SORCS2: variants seen among roughly 807,000 people sequenced by gnomAD.
SORCS2 encodes the protein VPS10 domain-containing receptor SorCS2.
A neutral mutation model predicts 141.6 loss-of-function variants in SORCS2; 100 were observed. The observed-to-expected ratio is 0.71, with a 90% confidence interval of 0.60 to 0.83. The LOEUF (loss-of-function observed/expected upper bound fraction) is 0.83. SORCS2 is among the 40% of genes least tolerant of loss of function. The pLI, the probability that SORCS2 is intolerant of heterozygous loss-of-function variation, is 0.00. For synonymous variants in SORCS2, 789 were observed against 676.9 expected (o/e 1.17, Z -2.57); for missense variants, 1,646 against 1,560.2 (o/e 1.05, Z -0.93).
chr4:7,299,736 A>T (rs1237095830), intron 1 of SORCS2, among the ~76,000 whole-genome samples: 1 of 152,194 alleles, frequency 6.6e-6, no homozygotes, highest in African/African-American at 2.4e-5. Flanking sequence ...CCAACTTCCC[A>T]TCCCATTTTC....
chr4:7,502,347 G>A (rs13130816), intron 2 of SORCS2, among the ~76,000 whole-genome samples: 32,747 of 152,234 alleles, frequency 0.22, 4,301 homozygotes, highest in Middle Eastern at 0.35. Context: ...CTGTGGTCAT[G>A]GTGGTCCCCA....
intron 1 of SORCS2, among the ~76,000 whole-genome samples, chr4:7,288,276 C>A (rs1025241179): frequency 6.6e-6 from 1 of 152,070 alleles, no homozygotes; most frequent in African/African-American, 2.4e-5. Flanking sequence ...ATCTGAAATT[C>A]GGGGCCTTGC....
chr4:7,352,774 G>A (rs540854214), intron 1 of SORCS2, among the ~76,000 whole-genome samples: 58 of 152,274 alleles, frequency 3.8e-4, no homozygotes, highest in African/African-American at 1.4e-3. Context: ...GGAGGGAGAG[G>A]CTGCATGTCT....
At chr4:7,685,507 C>A (rs1310741825) in intron 10 of SORCS2, among the ~76,000 whole-genome samples, 1 of 152,086 alleles carries the variant, frequency 6.6e-6, no homozygotes, top group East Asian at 1.9e-4. Context: ...CCCGTCTCTA[C>A]TAAAAATACA....
chr4:7,221,621 C>T (rs4689654), intron 1 of SORCS2, among the ~76,000 whole-genome samples: 37,992 of 152,138 alleles, frequency 0.25, 5,051 homozygotes, highest in East Asian at 0.45. Context: ...GCTTTGGGCC[C>T]GTGAGGGCAC....
chr4:7,587,552 A>G (rs1716618530), intron 3 of SORCS2, among the ~76,000 whole-genome samples: 1 of 152,216 alleles, frequency 6.6e-6, no homozygotes, highest in Non-Finnish European at 1.5e-5. Flanking sequence ...GATTAGGCCC[A>G]AGGCAGGCCC....
At chr4:7,438,877 T>C (rs116348352) in intron 2 of SORCS2, among the ~76,000 whole-genome samples, 21 of 152,302 alleles carry the variant, frequency 1.4e-4, no homozygotes, top group African/African-American at 4.8e-4. Context: ...ACATGCTTTT[T>C]TCATATCATT....
intron 3 of SORCS2, among the ~76,000 whole-genome samples, chr4:7,542,914 G>A (rs1248960584): frequency 2.0e-5 from 3 of 152,226 alleles, no homozygotes; most frequent in Non-Finnish European, 4.4e-5. Flanking sequence ...AGGGATGAAA[G>A]CAGGAGATGC....
intron 5 of SORCS2, among the ~76,000 whole-genome samples, chr4:7,661,153 C>T (rs187996100): frequency 1.1e-4 from 16 of 152,302 alleles, no homozygotes; most frequent in East Asian, 5.8e-4. Context: ...GAAAAAGCAA[C>T]GTGAAAGTCT....
At chr4:7,292,964 C>T (rs1210664206) in intron 1 of SORCS2, among the ~76,000 whole-genome samples, 1 of 152,168 alleles carries the variant, frequency 6.6e-6, no homozygotes, top group Non-Finnish European at 1.5e-5. Flanking sequence ...GTTACCTCTG[C>T]TGATTTCCTT....
At chr4:7,232,718 C>A (rs1337579046) in intron 1 of SORCS2, among the ~76,000 whole-genome samples, 9 of 152,180 alleles carry the variant, frequency 5.9e-5, no homozygotes, top group Non-Finnish European at 1.2e-4. Context: ...CCTCCCGCAC[C>A]CTGCTGGGAG....
intron 1 of SORCS2, among the ~76,000 whole-genome samples, chr4:7,377,052 A>G (rs1015943405): frequency 3.3e-5 from 5 of 152,224 alleles, no homozygotes; most frequent in Non-Finnish European, 7.3e-5. Flanking sequence ...AAAGAGGCAT[A>G]TAAGCATGTG....
rs570276164 is a variant in SORCS2 at position 7,208,928 on chromosome 4, T to C, written c.480+15802T>C. ...GCCCTGCTGGGGGGTGGGCAGCGTG[T>C]GGAGGGCCCCACCTTTCCAGCAGAC... On this transcript the variant is annotated intron_variant, in intron 1 of 26. Coordinates refer to ENST00000507866, the MANE Select transcript of SORCS2 (RefSeq NM_020777.3). Among the ~76,000 whole-genome samples the C allele has an allele frequency of 2.0e-5, 3 of 152,276 alleles. No individual in the cohort carries two copies. The South Asian group carries it at 6.2e-4, about 32-fold the overall frequency.
intron 2 of SORCS2, among the ~76,000 whole-genome samples, chr4:7,494,371 A>G (rs548994396): frequency 6.6e-6 from 1 of 152,308 alleles, no homozygotes; most frequent in East Asian, 1.9e-4. Flanking sequence ...CTGCTATAAC[A>G]AAATATGCAG....
intron 1 of SORCS2, among the ~76,000 whole-genome samples, chr4:7,371,714 A>C (rs1418184253): frequency 6.6e-6 from 1 of 152,170 alleles, no homozygotes; most frequent in Non-Finnish European, 1.5e-5. Flanking sequence ...AGCCACCTAC[A>C]CACTGACCCC....
At position 7,616,292 on chromosome 4, in the gene SORCS2, TACAC is replaced by T. The variant is rs529679702; in HGVS notation, c.649-22030_649-22027del. On this transcript the variant is annotated intron_variant, in intron 3 of 26. Coordinates refer to ENST00000507866, the MANE Select transcript of SORCS2 (RefSeq NM_020777.3). ...GCTAGCCAACCCACTCACATATACA[TACAC>T]ACACATCCATCCATCCATCCATCTG... 2.6e-5 allele frequency among the ~76,000 whole-genome samples: 4 copies of T among 152,192 alleles called. No homozygotes were observed. In the South Asian group the frequency reaches 8.3e-4, roughly 32 times the overall value.
At chr4:7,623,686 G>A (rs902377625) in intron 3 of SORCS2, among the ~76,000 whole-genome samples, 4 of 152,120 alleles carry the variant, frequency 2.6e-5, no homozygotes, top group African/African-American at 7.2e-5. Flanking sequence ...GCACCTCGCT[G>A]TCTCTATGGT....
intron 3 of SORCS2, among the ~76,000 whole-genome samples, chr4:7,560,252 C>T (rs1245935680): frequency 2.0e-5 from 3 of 152,136 alleles, no homozygotes; most frequent in Non-Finnish European, 4.4e-5. Flanking sequence ...ATTTGACAGT[C>T]TTTATTAACT....
chr4:7,641,957 A>T (rs1222418308), intron 4 of SORCS2, among the ~76,000 whole-genome samples: 1 of 140,128 alleles, frequency 7.1e-6, no homozygotes, highest in Non-Finnish European at 1.5e-5. Flanking sequence ...GAATGGATGG[A>T]TGGTAGATGG....
Sources: allele counts gnomAD v4.1 joint callset (sites outside exome capture counted in the v4.1 genomes callset), GRCh38; gene constraint gnomAD v4.1.1; transcripts MANE v1.5; gene names NCBI Gene and HGNC (gene_info 2026-07-23, HGNC 2026-07-21).